The following ASCC1 variants were observed in gnomAD, a reference collection of about 807,000 sequenced individuals.
ASCC1 encodes ASC-1 complex subunit P50.
Under a neutral mutation model 46.6 loss-of-function variants are expected in ASCC1, and 35 were observed. The ratio of observed to expected loss-of-function variants is 0.75; its 90% confidence interval spans 0.57 to 0.99. The LOEUF is 0.99. Among genes scored for constraint, ASCC1 ranks in the 50% least tolerant of loss-of-function variants. The pLI, the probability that ASCC1 is intolerant of heterozygous loss-of-function variation, is 0.00. For missense variants in ASCC1, 376 were observed against 428.7 expected, an observed-to-expected ratio of 0.88 and a Z score of 1.09; for synonymous variants, 143 against 146.6, an observed-to-expected ratio of 0.98 and a Z score of 0.18.
At chr10:72,210,650 A>T in intron 3 of ASCC1, 82 bp downstream of exon 3, 1 of 1,063,902 alleles carries the variant, frequency 9.4e-7, no homozygotes, top group Non-Finnish European at 1.5e-6. Flanking sequence ...GCACTGCAAT[A>T]AGTATGGAAG....
At chr10:72,152,415 G>A (rs937940235) in intron 7 of ASCC1, among the ~76,000 whole-genome samples, 7 of 151,930 alleles carry the variant, frequency 4.6e-5, no homozygotes, top group Non-Finnish European at 7.4e-5. Context: ...ATTACATCAC[G>A]TTTGAAACTC....
At chr10:72,142,405 T>G (rs1390386747) in intron 7 of ASCC1, among the ~76,000 whole-genome samples, 1 of 151,796 alleles carries the variant, frequency 6.6e-6, no homozygotes, top group Non-Finnish European at 1.5e-5. Context: ...CTTCCTCTGT[T>G]GCCCAGGTTT....
intron 3 of ASCC1, among the ~76,000 whole-genome samples, chr10:72,206,435 A>G (rs11814530): frequency 0.063 from 9,575 of 152,198 alleles, 1,007 homozygotes; most frequent in African/African-American, 0.22. Context: ...ATTAAATTAA[A>G]ATGGAATGAA....
chr10:72,138,433 C>T (rs897818994), intron 7 of ASCC1, among the ~76,000 whole-genome samples: 2 of 152,082 alleles, frequency 1.3e-5, no homozygotes, highest in African/African-American at 4.8e-5. Context: ...AATTTACAGA[C>T]TCAAAACTTT....
At chr10:72,124,001 A>C (rs913092216) in intron 9 of ASCC1, among the ~76,000 whole-genome samples, 1 of 152,226 alleles carries the variant, frequency 6.6e-6, no homozygotes, top group African/African-American at 2.4e-5. Flanking sequence ...CTCTAAGTAA[A>C]GCAAACTAAA....
At chr10:72,162,876 G>T (rs929926692) in intron 5 of ASCC1, among the ~76,000 whole-genome samples, 14 of 151,670 alleles carry the variant, frequency 9.2e-5, no homozygotes, top group Non-Finnish European at 1.8e-4. Flanking sequence ...CTGGGAGGCA[G>T]AGGTTGCAGT....
chr10:72,138,584 T>TTTTC (rs1157135394), intron 7 of ASCC1, among the ~76,000 whole-genome samples: 9 of 150,318 alleles, frequency 6.0e-5, no homozygotes, highest in South Asian at 2.1e-4. Context: ...GCTGTTTCCT[T>TTTTC]TTTCTTTCTT....
At chr10:72,102,158 T>G (rs1006133333) in intron 9 of ASCC1, among the ~76,000 whole-genome samples, 2 of 152,030 alleles carry the variant, frequency 1.3e-5, no homozygotes, top group African/African-American at 4.8e-5. Context: ...AAAAGAAACA[T>G]AGAAACGCCT....
chr10:72,198,729 G>C (rs943579142), intron 4 of ASCC1: 44 of 455,322 alleles, frequency 9.7e-5, no homozygotes, highest in Non-Finnish European at 1.7e-4. Flanking sequence ...TGCAACTGCA[G>C]ACTTGACTTC....
At chr10:72,206,155 T>C (rs1043296528) in intron 3 of ASCC1, among the ~76,000 whole-genome samples, 6 of 149,428 alleles carry the variant, frequency 4.0e-5, no homozygotes, top group African/African-American at 1.2e-4. Context: ...CTGTAATCCC[T>C]GTGCTTTGGA....
intron 5 of ASCC1, among the ~76,000 whole-genome samples, chr10:72,172,773 A>AT (rs71482507): frequency 7.5e-6 from 1 of 132,678 alleles, no homozygotes; most frequent in African/African-American, 2.8e-5. Context: ...TATATATTAT[A>AT]TTTTTTATAT....
chr10:72,206,161 T>C (rs1460476702), intron 3 of ASCC1, among the ~76,000 whole-genome samples: 1 of 147,002 alleles, frequency 6.8e-6, no homozygotes, highest in African/African-American at 2.5e-5. Flanking sequence ...TCCCTGTGCT[T>C]TGGAAGGCTG....
intron 4 of ASCC1, among the ~76,000 whole-genome samples, chr10:72,197,197 C>A (rs1446922652): frequency 6.6e-6 from 1 of 152,074 alleles, no homozygotes; most frequent in African/African-American, 2.4e-5. Context: ...CTTGGCCGGG[C>A]ACGGTGGCTC....
chr10:72,138,798 T>C (rs943399910), intron 7 of ASCC1, among the ~76,000 whole-genome samples: 3 of 152,086 alleles, frequency 2.0e-5, no homozygotes, highest in Admixed American at 1.3e-4. Flanking sequence ...TCCACTGACC[T>C]CAGGTGATCT....
chr10:72,167,860 A>C lies in ASCC1; in HGVS notation c.490-6186T>G, dbSNP rs144272685. On this transcript the variant is annotated intron_variant, in intron 5 of 9. Coordinates refer to ENST00000672957, the MANE Select transcript of ASCC1 (RefSeq NM_001198800.3). The stretch of plus-strand genomic sequence containing the variant: ...ATTATGTTGCCCAGGCTGGTTTCAA[A>C]CTCCTGGCCTTAAGCAGGCCTCCCA... Among the ~76,000 whole-genome samples the C allele has an allele frequency of 6.3e-3, 950 of 151,832 alleles. 6 individuals are homozygous for C. Among genetic ancestry groups the C allele is most frequent in the African/African-American group, 0.022 (906 of 41,402 alleles).
At chr10:72,103,814 T>C (rs1486133184) in intron 9 of ASCC1, among the ~76,000 whole-genome samples, 1 of 152,120 alleles carries the variant, frequency 6.6e-6, no homozygotes, top group East Asian at 1.9e-4. Context: ...CCCCTCAGTT[T>C]ATTACCATTA....
At chr10:72,122,546 C>A (rs573374498) in intron 9 of ASCC1, among the ~76,000 whole-genome samples, 2 of 151,960 alleles carry the variant, frequency 1.3e-5, no homozygotes, top group Non-Finnish European at 2.9e-5. Flanking sequence ...TTTTGTGAGG[C>A]TGAGTGCTTG....
Position 72,152,991 on chromosome 10 carries a change from G to T in ASCC1, c.627-3C>A. 6.2e-7 allele frequency: 1 copy of T among 1,613,946 alleles called. No individual in the cohort carries two copies. ...GGGGTTTACCCCCAGAAATATCACT[G>T]CAAAGGAAAAAGCATTAAGATATCT... is the stretch of plus-strand genomic sequence containing the variant. On this transcript the variant is annotated splice_region_variant and splice_polypyrimidine_tract_variant and intron_variant, in intron 6 of 9. Transcript: ENST00000672957.
chr10:72,209,207 T>C (rs553333934), intron 3 of ASCC1, among the ~76,000 whole-genome samples: 1 of 150,726 alleles, frequency 6.6e-6, no homozygotes, highest in Non-Finnish European at 1.5e-5. Flanking sequence ...ATATGGGATA[T>C]GGTAGTTGGG....
Sources: gnomAD v4.1 joint callset for allele counts (sites outside exome capture counted in the v4.1 genomes callset) on GRCh38, gnomAD v4.1.1 for gene constraint, MANE v1.5 for transcripts, NCBI Gene and HGNC (gene_info 2026-07-23, HGNC 2026-07-21) for gene names.